Variants in PARD3B observed in about 807,000 individuals in gnomAD.
PARD3B encodes partitioning defective 3 homolog B.
Under a neutral mutation model 130.2 loss-of-function variants are expected in PARD3B, and 103 were observed. The observed-to-expected ratio is 0.79, with a 90% CI of 0.67 to 0.93. The LOEUF (loss-of-function observed/expected upper bound fraction) is 0.93. Among genes scored for constraint, PARD3B ranks in the 40% least tolerant of loss-of-function variants. The pLI, the probability that PARD3B is intolerant of heterozygous loss-of-function variation, is 0.00. For missense variants in PARD3B, 1,609 were observed against 1,499.2 expected, an observed-to-expected ratio of 1.07 and a Z score of -1.21; for synonymous variants, 583 against 553.2, an observed-to-expected ratio of 1.05 and a Z score of -0.76.
At chr2:205,389,365 T>G (rs1000741343) in intron 18 of PARD3B, among the ~76,000 whole-genome samples, 8 of 152,156 alleles carry the variant, frequency 5.3e-5, no homozygotes, top group African/African-American at 1.9e-4. Context: ...TATTATTTTA[T>G]TATTATTACT....
chr2:205,437,189 T>C (rs2047548224), intron 19 of PARD3B, among the ~76,000 whole-genome samples: 1 of 152,180 alleles, frequency 6.6e-6, no homozygotes, highest in Admixed American at 6.5e-5. Context: ...CATGAGATTA[T>C]GGTCGTTTTC....
At position 205,446,028 on chromosome 2, in the gene PARD3B, C is replaced by G. The variant is rs1027238616; in HGVS notation, c.3044+5356C>G. Among the ~76,000 whole-genome samples, 3 of 152,092 alleles carry G rather than the reference C, an allele frequency of 2.0e-5. No individual in the cohort carries two copies. Among genetic ancestry groups the G allele is most frequent in the Non-Finnish European group, 4.4e-5 (3 of 68,038 alleles). ...AAGACCTAAACATGCAGTGAGAACA[C>G]AGTGTGGAAAGTGCAGCCGAAGAGT... On this transcript the variant is annotated intron_variant, in intron 20 of 22. Transcript: ENST00000406610. This position sits in a 1 kb window ranked among gnomAD's most constrained non-coding sequence, Gnocchi z 4.4.
chr2:205,519,368 C>T (rs1198913678), intron 21 of PARD3B, among the ~76,000 whole-genome samples: 3 of 152,166 alleles, frequency 2.0e-5, no homozygotes, highest in African/African-American at 7.2e-5. Context: ...GTTTATTCTG[C>T]TGTTAATACT....
At chr2:204,584,450 C>T (rs2032729764) in intron 1 of PARD3B, among the ~76,000 whole-genome samples, 1 of 152,094 alleles carries the variant, frequency 6.6e-6, no homozygotes, top group South Asian at 2.1e-4. Flanking sequence ...AAAATAAGCT[C>T]ATTTCTGAAA....
chr2:205,591,419 G>A lies in PARD3B; in HGVS notation c.3261-24037G>A, dbSNP rs573971690. Among the ~76,000 whole-genome samples, 1 of 152,248 alleles carries A rather than the reference G, an allele frequency of 6.6e-6. No individual in the cohort carries two copies. Among genetic ancestry groups the A allele is most frequent in the South Asian group, 2.1e-4 (1 of 4,818 alleles). ...AATCAAGAATAAATAAAAAGTTGGG[G>A]CAGGAATAATAATAACTGCCTACCA... On this transcript the variant is annotated intron_variant, in intron 22 of 22. Coordinates refer to ENST00000406610, the MANE Select transcript of PARD3B (RefSeq NM_001302769.2). The surrounding 1 kb of genome is among the most constrained non-coding windows in gnomAD (Gnocchi z 4.2).
At chr2:205,379,602 C>T (rs950716893) in intron 18 of PARD3B, among the ~76,000 whole-genome samples, 4 of 151,920 alleles carry the variant, frequency 2.6e-5, no homozygotes, top group Non-Finnish European at 5.9e-5. Context: ...CTGTATTACC[C>T]ACACTCTTTA....
At chr2:204,712,248 A>G (rs1489885856) in intron 2 of PARD3B, among the ~76,000 whole-genome samples, 1 of 152,202 alleles carries the variant, frequency 6.6e-6, no homozygotes, top group Non-Finnish European at 1.5e-5. Context: ...TGGTTTAAAA[A>G]TTGTGTTAGG....
At chr2:205,353,985 G>GT (rs1491160250) in intron 18 of PARD3B, among the ~76,000 whole-genome samples, 1 of 142,604 alleles carries the variant, frequency 7.0e-6, no homozygotes, top group Non-Finnish European at 1.5e-5. Flanking sequence ...CTTGCCCAGA[G>GT]TTTAGAATTC....
At chr2:205,273,029 T>C (rs2040792913) in intron 16 of PARD3B, among the ~76,000 whole-genome samples, 1 of 152,202 alleles carries the variant, frequency 6.6e-6, no homozygotes, top group Non-Finnish European at 1.5e-5. Context: ...GTTTTTCCCC[T>C]AAATTTAACT....
At position 204,545,721 on chromosome 2, in the gene PARD3B, G is replaced by C; in HGVS notation, c.-279G>C. The C allele has an allele frequency of 5.4e-6, 1 of 185,816 alleles. No homozygotes were observed. Among genetic ancestry groups the C allele is most frequent in the African/African-American group, 1.4e-4 (1 of 7,332 alleles). 11.5% of individuals were successfully genotyped at this position (185,816 alleles called of 1,614,324 possible). A position where few individuals can be genotyped will look rare whatever the true frequency, so the allele number is the denominator to read the frequency against. ...CGGGCAGGAGTAGGAGCGGGAGGAGGAGGAGGAGGAGCCGGTGCCGCGGAG... is the reference window on the plus strand; with the variant it reads ...CGGGCAGGAGTAGGAGCGGGAGGAGCAGGAGGAGGAGCCGGTGCCGCGGAG... On this transcript the variant is annotated 5_prime_UTR_variant, in exon 1 of 23. Transcript: ENST00000406610.
chr2:204,635,131 T>C (rs566483960), intron 1 of PARD3B, among the ~76,000 whole-genome samples: 1 of 152,332 alleles, frequency 6.6e-6, no homozygotes, highest in Non-Finnish European at 1.5e-5. Flanking sequence ...TCCAAGTTTT[T>C]TAGCCAGTGG....
intron 2 of PARD3B, among the ~76,000 whole-genome samples, chr2:204,959,417 T>C (rs528979180): frequency 1.3e-5 from 2 of 152,324 alleles, no homozygotes; most frequent in African/African-American, 4.8e-5. Flanking sequence ...TTTGCTATTG[T>C]AAATAGTGCT....
At chr2:205,266,185 A>C (rs1401577146) in intron 16 of PARD3B, among the ~76,000 whole-genome samples, 2 of 152,266 alleles carry the variant, frequency 1.3e-5, no homozygotes, top group South Asian at 2.1e-4. Context: ...GAGTTTATTC[A>C]ACACTAAAAT....
At chr2:205,492,902 T>C (rs2049775700) in intron 20 of PARD3B, among the ~76,000 whole-genome samples, 1 of 152,128 alleles carries the variant, frequency 6.6e-6, no homozygotes, top group Non-Finnish European at 1.5e-5. Flanking sequence ...TGAGTGTAAG[T>C]GGTGTTGGGG....
chr2:205,172,367 G>C lies in PARD3B; in HGVS notation c.1777G>C (p.Glu593Gln). The C allele has an allele frequency of 6.2e-7, 1 of 1,613,908 alleles. No homozygotes were observed. The highest frequency in any genetic ancestry group is 1.1e-5 in the South Asian group (1 of 91,044). Residue 593 changes from glutamate (E) to glutamine (Q), a missense_variant, in exon 12 of 23, where the codon GAG becomes CAG. Coordinates refer to ENST00000406610, the MANE Select transcript of PARD3B (RefSeq NM_001302769.2). ...MIQLVILRRP[E>Q]RPMEDPAECG... ...CCAGTTGGTGATTCTGAGGAGGCCA[G>C]AGAGACCAATGGAGGTGATGCAAAT...
In PARD3B at chr2:204,819,565, G is replaced by A. The variant is rs150759322; in HGVS notation, c.222+133283G>A. ...TGTCTATGTGTTCAAATGAAAGGAA[G>A]AGTCATACATCTCTCACTTTAAATC... On this transcript the variant is annotated intron_variant, in intron 2 of 22. Coordinates refer to ENST00000406610, the MANE Select transcript of PARD3B (RefSeq NM_001302769.2). Among the ~76,000 whole-genome samples, 1,156 of 152,286 alleles carry A rather than the reference G, an allele frequency of 7.6e-3. 5 individuals carry two copies. The highest frequency in any genetic ancestry group is 0.012 in the Non-Finnish European group (839 of 68,030).
At chr2:205,254,982 C>G (rs1377528512) in intron 16 of PARD3B, among the ~76,000 whole-genome samples, 1 of 152,024 alleles carries the variant, frequency 6.6e-6, no homozygotes, top group Non-Finnish European at 1.5e-5. Flanking sequence ...GTATTATTAA[C>G]CAGTTATACG....
At chr2:204,844,327 A>G (rs1474086401) in intron 2 of PARD3B, among the ~76,000 whole-genome samples, 1 of 152,160 alleles carries the variant, frequency 6.6e-6, no homozygotes, top group Non-Finnish European at 1.5e-5. Flanking sequence ...AAAAAAAACT[A>G]TGAAATAGAC....
intron 18 of PARD3B, among the ~76,000 whole-genome samples, chr2:205,346,188 TAAATAAATAAATA>T (rs1280881529): frequency 4.8e-5 from 7 of 147,302 alleles, no homozygotes; most frequent in African/African-American, 1.7e-4. Context: ...AATAAATAAA[TAAATAAATAAATA>T]AATAAATAAA....
Sources: allele counts gnomAD v4.1 joint callset (sites outside exome capture counted in the v4.1 genomes callset), GRCh38; gene constraint gnomAD v4.1.1; non-coding constraint Gnocchi (gnomAD v3.1); transcripts MANE v1.5; gene names NCBI Gene and HGNC (gene_info 2026-07-23, HGNC 2026-07-21).